Variants in VEZT observed in about 807,000 individuals in gnomAD.
VEZT encodes vezatin, adherens junctions transmembrane protein.
A neutral mutation model predicts 79.9 loss-of-function variants in VEZT; 39 were observed. The ratio of observed to expected loss-of-function variants is 0.49; its 90% confidence interval spans 0.38 to 0.64. The LOEUF is 0.64. Among genes scored for constraint, VEZT ranks in the 30% least tolerant of loss-of-function variants. The probability of loss-of-function intolerance (pLI) is 0.00; values close to 1 mark genes in which losing one functional copy is unlikely to be tolerated. For synonymous variants in VEZT, 325 were observed against 327.6 expected (o/e 0.99, Z 0.09); for missense variants, 837 against 893.1 (o/e 0.94, Z 0.80).
chr12:95,290,705 G>A (rs1252253296), intron 9 of VEZT: 1 of 152,108 alleles, frequency 6.6e-6, no homozygotes, highest in Non-Finnish European at 1.5e-5. Flanking sequence ...CTTGGCTTTG[G>A]CGGCACATGT....
chr12:95,298,410 T>A (rs2074637009), intron 11 of VEZT, among the ~76,000 whole-genome samples: 1 of 152,196 alleles, frequency 6.6e-6, no homozygotes, highest in Non-Finnish European at 1.5e-5. Context: ...CCTACATACA[T>A]CAGAGATTAA....
chr12:95,262,848 C>A, intron 3 of VEZT, 58 bp from the exon 4 acceptor site: 1 of 1,381,264 alleles, frequency 7.2e-7, no homozygotes, highest in Non-Finnish European at 9.6e-7. Context: ...AGGAGCTTAG[C>A]GTTTAATGCA....
intron 6 of VEZT, among the ~76,000 whole-genome samples, chr12:95,270,895 A>G (rs2066458614): frequency 6.6e-6 from 1 of 152,248 alleles, no homozygotes; most frequent in Non-Finnish European, 1.5e-5. Context: ...GTAAAGACAT[A>G]TAGATAAGTT....
chr12:95,280,930 C>A (rs2068929760), intron 7 of VEZT, among the ~76,000 whole-genome samples: 1 of 147,846 alleles, frequency 6.8e-6, no homozygotes, highest in Admixed American at 6.6e-5. Context: ...GCCTTGGTCA[C>A]TTTAAAAAAA....
chr12:95,300,612 TTGG>T lies in VEZT; in HGVS notation c.2285_2287del (p.Gly762del). The T allele has an allele frequency of 6.2e-7, 1 of 1,610,016 alleles. No individual in the cohort carries two copies. The highest frequency in any genetic ancestry group is 8.5e-7 in the Non-Finnish European group (1 of 1,177,818). ...TTTACCACCATGCAGGAACAGACTT[TTGG>T]TGGTGAGGAGGAAGAACAAATAATA... On this transcript the variant is annotated inframe_deletion, in exon 12 of 12. Transcript: ENST00000436874.
chr12:95,239,017 A>G (rs757938478), intron 1 of VEZT, among the ~76,000 whole-genome samples: 20 of 152,228 alleles, frequency 1.3e-4, no homozygotes, highest in Non-Finnish European at 1.2e-4. Context: ...AGTATATAGT[A>G]TATTTCCATT....
chr12:95,269,937 T>A, intron 5 of VEZT, 114 bp from the exon 6 acceptor site: 1 of 1,258,492 alleles, frequency 7.9e-7, no homozygotes, highest in East Asian at 2.6e-5. Flanking sequence ...CTAGTGAAGA[T>A]CATGAAAGAG....
At chr12:95,239,414 T>C (rs2060594329) in intron 1 of VEZT, among the ~76,000 whole-genome samples, 1 of 152,224 alleles carries the variant, frequency 6.6e-6, no homozygotes, top group African/African-American at 2.4e-5. Context: ...TGATTGTCCC[T>C]TTTCTATCCA....
chr12:95,236,953 G>T (rs1275323976), intron 1 of VEZT, among the ~76,000 whole-genome samples: 1 of 152,156 alleles, frequency 6.6e-6, no homozygotes, highest in Non-Finnish European at 1.5e-5. Flanking sequence ...GGGAATAAAT[G>T]TAGATATTAT....
intron 1 of VEZT, among the ~76,000 whole-genome samples, chr12:95,225,536 G>A (rs180817906): frequency 2.6e-5 from 4 of 151,916 alleles, no homozygotes; most frequent in Admixed American, 1.3e-4. Context: ...CAGCGTGGGC[G>A]ATAGAGCAAG....
Position 95,287,687 on chromosome 12 carries a change from T to C in VEZT, c.1352T>C (p.Leu451Pro). Residue 451 changes from leucine (L) to proline (P), a missense_variant, in exon 9 of 12, where the codon CTT (leucine) becomes CCT (proline). Transcript: ENST00000436874. ...AGGGTAATAATTCTTGAAGATGAAC[T>C]TGAAAAGCTTGTTTGTACTAAAGAA... ...LNEVIILEDE[L>P]EKLVCTKETQ... 5.1e-6 allele frequency: 8 copies of C among 1,572,720 alleles called. No homozygotes were observed. The highest frequency in any genetic ancestry group is 6.0e-6 in the Non-Finnish European group (7 of 1,157,978).
At chr12:95,273,525 C>G (rs2067051124) in intron 6 of VEZT, among the ~76,000 whole-genome samples, 1 of 152,100 alleles carries the variant, frequency 6.6e-6, no homozygotes. Flanking sequence ...TGCTGTATCC[C>G]TTAATACCTC....
intron 5 of VEZT, among the ~76,000 whole-genome samples, chr12:95,269,501 A>G (rs2066189122): frequency 6.6e-6 from 1 of 152,170 alleles, no homozygotes; most frequent in Non-Finnish European, 1.5e-5. Context: ...TACTTTTATG[A>G]ATGTACAGAA....
chr12:95,227,546 G>A (rs1011182100), intron 1 of VEZT, among the ~76,000 whole-genome samples: 1 of 152,052 alleles, frequency 6.6e-6, no homozygotes, highest in Non-Finnish European at 1.5e-5. Flanking sequence ...TCGCCATGTT[G>A]GCCAGGCTTG....
At chr12:95,220,854 G>T (rs1286129921) in intron 1 of VEZT, among the ~76,000 whole-genome samples, 2 of 152,138 alleles carry the variant, frequency 1.3e-5, no homozygotes, top group African/African-American at 4.8e-5. Context: ...GGATATATAT[G>T]TAGGAATGGA....
intron 9 of VEZT, among the ~76,000 whole-genome samples, chr12:95,292,704 A>G (rs1246581561): frequency 6.6e-6 from 1 of 151,972 alleles, no homozygotes; most frequent in East Asian, 1.9e-4. Context: ...GCATGCCACC[A>G]TACCCAGCTA....
intron 1 of VEZT, among the ~76,000 whole-genome samples, chr12:95,233,377 C>A (rs945812359): frequency 6.6e-6 from 1 of 151,818 alleles, no homozygotes; most frequent in Non-Finnish European, 1.5e-5. Flanking sequence ...CGTATATTTT[C>A]TTTTTTAAAT....
intron 1 of VEZT, among the ~76,000 whole-genome samples, chr12:95,234,587 G>A (rs924753834): frequency 1.3e-5 from 2 of 152,132 alleles, no homozygotes; most frequent in African/African-American, 4.8e-5. Context: ...GAGCCACCGC[G>A]CCAGGCTTCC....
chr12:95,291,516 A>G (rs946422554), intron 9 of VEZT, among the ~76,000 whole-genome samples: 77 of 152,322 alleles, frequency 5.1e-4, no homozygotes, highest in African/African-American at 1.8e-3. Context: ...TGCAGGCCAT[A>G]TGGTGTCTGT....
Sources: gnomAD v4.1 joint callset for allele counts (sites outside exome capture counted in the v4.1 genomes callset) on GRCh38, gnomAD v4.1.1 for gene constraint, MANE v1.5 for transcripts, NCBI Gene and HGNC (gene_info 2026-07-23, HGNC 2026-07-21) for gene names.